SULT2B1: variants seen among roughly 807,000 people sequenced by gnomAD.
SULT2B1 encodes sulfotransferase 2B1.
SULT2B1 carries 16 observed loss-of-function variants against 33.2 expected under a neutral mutation model. That is an observed-to-expected ratio of 0.48 (90% CI 0.33 to 0.73). SULT2B1 has a LOEUF of 0.73. Ranked by LOEUF, SULT2B1 falls within the 30% of genes least tolerant of loss-of-function variation. The pLI is 0.02. For missense variants in SULT2B1, 500 were observed against 506.0 expected (o/e 0.99, Z 0.11); for synonymous variants, 186 against 200.5 (o/e 0.93, Z 0.61).
At chr19:48,580,230 C>G (rs1410542428) in intron 2 of SULT2B1, among the ~76,000 whole-genome samples, 1 of 151,790 alleles carries the variant, frequency 6.6e-6, no homozygotes, top group East Asian at 1.9e-4. Flanking sequence ...CTGCACTGGG[C>G]CCTGCACACA....
chr19:48,586,488 G>C (rs1307356146), intron 2 of SULT2B1, among the ~76,000 whole-genome samples: 1 of 152,132 alleles, frequency 6.6e-6, no homozygotes, highest in African/African-American at 2.4e-5. Context: ...CGTGGCGTGC[G>C]TTTATGGGCC....
intron 1 of SULT2B1, among the ~76,000 whole-genome samples, chr19:48,562,065 A>C (rs1400881559): frequency 6.6e-6 from 1 of 152,102 alleles, no homozygotes; most frequent in Non-Finnish European, 1.5e-5. Flanking sequence ...AGCCTGACCA[A>C]CATGGCGAAA....
chr19:48,560,089 C>T (rs532621094), intron 1 of SULT2B1, among the ~76,000 whole-genome samples: 3 of 152,120 alleles, frequency 2.0e-5, no homozygotes, highest in African/African-American at 4.8e-5. Context: ...CAGGGTTGAG[C>T]GTCTGTGAAA....
intron 2 of SULT2B1, among the ~76,000 whole-genome samples, chr19:48,581,886 T>TATATG (rs1973494246): frequency 1.9e-5 from 2 of 107,504 alleles, no homozygotes; most frequent in African/African-American, 6.6e-5. Flanking sequence ...TTATTATTAT[T>TATATG]ATTATATTAT....
At chr19:48,596,655 G>T (rs1412448137) in intron 5 of SULT2B1, 84 bp from the exon 6 acceptor site, 3 of 1,423,860 alleles carry the variant, frequency 2.1e-6, no homozygotes, top group African/African-American at 1.4e-5. Context: ...CCCAGGTTAG[G>T]ACCCAGACAT....
At chr19:48,593,845 G>C (rs1008341954) in intron 5 of SULT2B1, among the ~76,000 whole-genome samples, 16 of 150,900 alleles carry the variant, frequency 1.1e-4, no homozygotes, top group African/African-American at 3.9e-4. Context: ...TGTTGGTCAG[G>C]CTGGTCTTGA....
At chr19:48,570,515 A>C (rs908087778) in intron 1 of SULT2B1, among the ~76,000 whole-genome samples, 2 of 152,016 alleles carry the variant, frequency 1.3e-5, no homozygotes, top group Admixed American at 6.6e-5. Flanking sequence ...CGCATGGCAC[A>C]GAATACTGCT....
Position 48,568,056 on chromosome 19 carries a change from G to A in SULT2B1, c.72-7885G>A, listed in dbSNP as rs369957272. Reference sequence around the variant, plus strand: ...GGAGGCCAAGGCAGGAGAATCCCACGAGCCCAGGAGTTCAAGACCAGTCTG... The same window carrying A: ...GGAGGCCAAGGCAGGAGAATCCCACAAGCCCAGGAGTTCAAGACCAGTCTG... On this transcript the variant is annotated intron_variant, in intron 1 of 6. Coordinates refer to ENST00000201586, the MANE Select transcript of SULT2B1 (RefSeq NM_177973.2). Among the ~76,000 whole-genome samples, 37 of 152,054 alleles carry A rather than the reference G, an allele frequency of 2.4e-4. No individual in the cohort carries two copies. The South Asian group carries it at 7.5e-3, about 31-fold the overall frequency.
Position 48,587,239 on chromosome 19 carries a change from G to A in SULT2B1, c.225G>A (p.Trp75Ter). 1.2e-6 allele frequency: 2 copies of A among 1,611,710 alleles called. No individual in the cohort carries two copies. Among genetic ancestry groups the A allele is most frequent in the Non-Finnish European group, 1.7e-6 (2 of 1,178,634 alleles). ...GATTTCTCCCAACAGGCACGACCTGGATGATCGAGATCATCTGCTTAATCC... is the reference window on the plus strand; with the variant it reads ...GATTTCTCCCAACAGGCACGACCTGAATGATCGAGATCATCTGCTTAATCC... ...IITYPKSGTT[W>*]MIEIICLILK... The change falls in exon 3 of 7, where the codon TGG (tryptophan) becomes TGA (stop). Residue 75 changes from tryptophan (W) to a stop codon, truncating the protein, a stop_gained. Transcript: ENST00000201586. LOFTEE classifies it high-confidence loss of function.
Position 48,599,375 on chromosome 19 carries a change from C to T in SULT2B1, c.1067C>T (p.Ala356Val). 1.6e-5 allele frequency: 25 copies of T among 1,561,690 alleles called. No homozygotes were observed. Among genetic ancestry groups the T allele is most frequent in the Non-Finnish European group, 2.1e-5 (24 of 1,153,064 alleles). The part of the protein sequence containing the change: ...NSSPSPSPGQ[A>V]SETPHPRPS ...AGCCCCAGCCCCAGCCCCGGCCAGG[C>T]CTCTGAGACCCCGCACCCACGACCC... The change falls in exon 7 of 7, where the codon GCC (alanine) becomes GTC (valine). Residue 356 changes from alanine to valine, a missense_variant. Coordinates refer to ENST00000201586, the MANE Select transcript of SULT2B1 (RefSeq NM_177973.2). The surrounding 1 kb of genome is among the most constrained non-coding windows in gnomAD (Gnocchi z 4.1).
At chr19:48,557,199 C>A (rs1054021625) in intron 1 of SULT2B1, among the ~76,000 whole-genome samples, 1 of 152,112 alleles carries the variant, frequency 6.6e-6, no homozygotes, top group African/African-American at 2.4e-5. Flanking sequence ...CAAGATGCAT[C>A]GCTCAGAATG....
chr19:48,597,470 A>C (rs2147632295), intron 6 of SULT2B1, among the ~76,000 whole-genome samples: 1 of 150,318 alleles, frequency 6.7e-6, no homozygotes, highest in Admixed American at 6.6e-5. Flanking sequence ...CAGCATCCTT[A>C]AGTAGCTGAG....
In SULT2B1 at chr19:48,592,933, C is replaced by T. The variant is rs891411603; in HGVS notation, c.645+117C>T. 5.9e-6 allele frequency: 5 copies of T among 848,316 alleles called. No individual in the cohort carries two copies. The African/African-American group carries it at 8.4e-5, about 14-fold the overall frequency. 52.5% of individuals were successfully genotyped at this position (848,316 alleles called of 1,614,324 possible). A position where few individuals can be genotyped will look rare whatever the true frequency, so the allele number is the denominator to read the frequency against. On this transcript the variant is annotated intron_variant, in intron 5 of 6. Coordinates refer to ENST00000201586, the MANE Select transcript of SULT2B1 (RefSeq NM_177973.2). ...CCGCTTCCCCATGCAATGCGCCAGC[C>T]CCTGGGGATACTGCAGGAACAGAAC...
chr19:48,583,933 G>A (rs1973528118), intron 2 of SULT2B1, among the ~76,000 whole-genome samples: 2 of 152,058 alleles, frequency 1.3e-5, no homozygotes, highest in African/African-American at 4.8e-5. Context: ...CCAACATGGT[G>A]AAACCCTGTC....
At chr19:48,572,399 GC>G (rs1568406943) in intron 1 of SULT2B1, among the ~76,000 whole-genome samples, 1 of 152,170 alleles carries the variant, frequency 6.6e-6, no homozygotes, top group African/African-American at 2.4e-5. Context: ...TGTAGTGCTA[GC>G]TACTAGGGAG....
At chr19:48,588,765 G>A (rs1447487495) in intron 3 of SULT2B1, among the ~76,000 whole-genome samples, 1 of 151,980 alleles carries the variant, frequency 6.6e-6, no homozygotes. Flanking sequence ...AACCCGGGAG[G>A]TGATGGTGGG....
intron 2 of SULT2B1, among the ~76,000 whole-genome samples, chr19:48,585,048 CAAAAAAAAA>C (rs57540837): frequency 3.2e-5 from 2 of 62,246 alleles, no homozygotes; most frequent in Admixed American, 2.4e-4. Flanking sequence ...GACTCCTTCT[CAAAAAAAAA>C]AAAAAAAAAA....
intron 1 of SULT2B1, among the ~76,000 whole-genome samples, chr19:48,558,686 T>C (rs937704852): frequency 1.4e-4 from 20 of 141,796 alleles, no homozygotes; most frequent in South Asian, 4.5e-4. Flanking sequence ...TTTCTTTTTT[T>C]TTTTTTTTTT....
chr19:48,559,653 G>C (rs1000533982), intron 1 of SULT2B1, among the ~76,000 whole-genome samples: 2 of 152,216 alleles, frequency 1.3e-5, no homozygotes, highest in Non-Finnish European at 2.9e-5. Context: ...AGGAGGAACT[G>C]TGGGACCCAG....
Sources: gnomAD v4.1 joint callset for allele counts (sites outside exome capture counted in the v4.1 genomes callset) on GRCh38, gnomAD v4.1.1 for gene constraint, Gnocchi (gnomAD v3.1) non-coding constraint, MANE v1.5 for transcripts, NCBI Gene and HGNC (gene_info 2026-07-23, HGNC 2026-07-21) for gene names.